Variants in LEF1 observed in about 807,000 individuals in gnomAD.
LEF1 encodes the protein lymphoid enhancer binding factor 1.
A neutral mutation model predicts 51.2 loss-of-function variants in LEF1; 14 were observed. The observed-to-expected ratio is 0.27, with a 90% CI of 0.18 to 0.43. The LOEUF is 0.43. Ranked by LOEUF, LEF1 falls within the 20% of genes least tolerant of loss-of-function variation. LEF1 has a pLI of 1.00. For synonymous variants in LEF1, 185 were observed against 183.2 expected, an observed-to-expected ratio of 1.01 and a Z score of -0.08; for missense variants, 386 against 512.0, an observed-to-expected ratio of 0.75 and a Z score of 2.37.
At chr4:108,126,667 G>A (rs1742553785) in intron 3 of LEF1, among the ~76,000 whole-genome samples, 1 of 151,848 alleles carries the variant, frequency 6.6e-6, no homozygotes, top group South Asian at 2.1e-4. Flanking sequence ...AGCCGGGCAT[G>A]ATGGTGCATG....
chr4:108,127,199 G>A (rs187001774), intron 3 of LEF1, among the ~76,000 whole-genome samples: 1 of 152,308 alleles, frequency 6.6e-6, no homozygotes, highest in Admixed American at 6.5e-5. Flanking sequence ...TAAAACTGGG[G>A]AGAGGCTCAG....
intron 7 of LEF1, among the ~76,000 whole-genome samples, chr4:108,079,221 A>T (rs1276533286): frequency 2.3e-5 from 1 of 43,684 alleles, no homozygotes; most frequent in Non-Finnish European, 7.7e-5. Flanking sequence ...ACAGCTGAAG[A>T]GTCTCGAATG....
chr4:108,154,044 G>T (rs551383192), intron 3 of LEF1, among the ~76,000 whole-genome samples: 7 of 151,908 alleles, frequency 4.6e-5, no homozygotes, highest in African/African-American at 1.4e-4. Flanking sequence ...TTTAATATTT[G>T]GTATTATTTT....
chr4:108,059,833 G>A (rs1020484610), intron 11 of LEF1, among the ~76,000 whole-genome samples: 7 of 152,080 alleles, frequency 4.6e-5, no homozygotes, highest in Non-Finnish European at 2.9e-5. Flanking sequence ...CTCGCCAGTA[G>A]CTGGAACACA....
chr4:108,130,806 G>C (rs1348178487), intron 3 of LEF1, among the ~76,000 whole-genome samples: 2 of 151,240 alleles, frequency 1.3e-5, no homozygotes, highest in African/African-American at 4.9e-5. Flanking sequence ...CCCTTCCCAA[G>C]TTGCTTCTTA....
intron 3 of LEF1, among the ~76,000 whole-genome samples, chr4:108,134,651 T>C (rs1401231927): frequency 6.6e-6 from 1 of 152,260 alleles, no homozygotes; most frequent in Admixed American, 6.5e-5. Context: ...GTATTGCCCA[T>C]TACAATGTGC....
intron 3 of LEF1, among the ~76,000 whole-genome samples, chr4:108,146,855 C>G (rs2110385296): frequency 6.6e-6 from 1 of 152,286 alleles, no homozygotes; most frequent in East Asian, 1.9e-4. Context: ...AGTGTGTTTT[C>G]TTTGAGTGAG....
intron 3 of LEF1, among the ~76,000 whole-genome samples, chr4:108,155,629 C>T (rs1378095926): frequency 2.0e-5 from 3 of 152,218 alleles, no homozygotes; most frequent in Non-Finnish European, 2.9e-5. Flanking sequence ...ATCTTAGACT[C>T]CTGCTCTGCG....
intron 11 of LEF1, among the ~76,000 whole-genome samples, chr4:108,056,887 A>G (rs933155864): frequency 2.1e-5 from 3 of 142,886 alleles, no homozygotes; most frequent in Non-Finnish European, 4.5e-5. Context: ...GGTACCCCCA[A>G]CTGGGCTAGG....
At chr4:108,079,736 G>A in intron 6 of LEF1, 122 bp from the exon 7 acceptor site, 1 of 910,648 alleles carries the variant, frequency 1.1e-6, no homozygotes, top group Non-Finnish European at 1.7e-6. Context: ...TTTACGCACA[G>A]AAGCATTAAC....
intron 3 of LEF1, among the ~76,000 whole-genome samples, chr4:108,099,570 GTA>G (rs551521155): frequency 0.029 from 2,003 of 69,418 alleles, 36 homozygotes; most frequent in East Asian, 0.073. Flanking sequence ...GTGTGTGTGT[GTA>G]TATATATATA....
chr4:108,059,905 A>C (rs1057074927), intron 11 of LEF1, among the ~76,000 whole-genome samples: 1 of 152,178 alleles, frequency 6.6e-6, no homozygotes, highest in Middle Eastern at 3.2e-3. Context: ...GACTGGTCTC[A>C]AATTCCTGGG....
At chr4:108,117,536 G>GA (rs1269080282) in intron 3 of LEF1, among the ~76,000 whole-genome samples, 1 of 152,218 alleles carries the variant, frequency 6.6e-6, no homozygotes, top group Non-Finnish European at 1.5e-5. Context: ...ACAGTGCTCA[G>GA]AAAATGGCTC....
chr4:108,090,083 T>A (rs1578329592), intron 3 of LEF1, among the ~76,000 whole-genome samples: 1 of 152,160 alleles, frequency 6.6e-6, no homozygotes, highest in East Asian at 1.9e-4. Context: ...CGGGTTCAAG[T>A]GATTCTCCTG....
intron 3 of LEF1, among the ~76,000 whole-genome samples, chr4:108,106,309 T>C (rs1741163062): frequency 6.6e-6 from 1 of 152,142 alleles, no homozygotes; most frequent in Admixed American, 6.5e-5. Context: ...TAATGTGTAA[T>C]GTTAAGAACA....
At position 108,099,570 on chromosome 4, in the gene LEF1, G is replaced by GTGTATATA. The variant is rs1266681210; in HGVS notation, c.415-10314_415-10313insTATATACA. 1.1e-3 allele frequency among the ~76,000 whole-genome samples: 77 copies of GTGTATATA among 70,200 alleles called. 9 individuals carry two copies. The highest frequency in any genetic ancestry group is 2.4e-3 in the South Asian group (4 of 1,658). The allele number at this position is 70,200 out of a possible 152,430, so 46.1% of individuals were successfully genotyped here. ...TGTGTGTGTGTATGTGTGTGTGTGT[G>GTGTATATA]TATATATATATATATATATATATAT... On this transcript the variant is annotated intron_variant, in intron 3 of 11. Transcript: ENST00000265165.
intron 3 of LEF1, among the ~76,000 whole-genome samples, chr4:108,116,917 G>T (rs1192336068): frequency 6.6e-6 from 1 of 152,204 alleles, no homozygotes; most frequent in Non-Finnish European, 1.5e-5. Context: ...GTGCCCACAA[G>T]TAAAGAGACT....
chr4:108,081,828 C>T (rs1395327134), intron 5 of LEF1, among the ~76,000 whole-genome samples, 159 bp from the exon 6 acceptor site: 1 of 152,176 alleles, frequency 6.6e-6, no homozygotes, highest in African/African-American at 2.4e-5. Flanking sequence ...GTTCCCCTTC[C>T]TTACCCTCCA....
At chr4:108,083,658 T>C (rs1739459526) in intron 4 of LEF1, among the ~76,000 whole-genome samples, 1 of 152,236 alleles carries the variant, frequency 6.6e-6, no homozygotes, top group African/African-American at 2.4e-5. Flanking sequence ...CTTAAGGAAC[T>C]CCTACAGGAG....
Sources: allele counts gnomAD v4.1 joint callset (sites outside exome capture counted in the v4.1 genomes callset), GRCh38; gene constraint gnomAD v4.1.1; transcripts MANE v1.5; gene names NCBI Gene and HGNC (gene_info 2026-07-23, HGNC 2026-07-21).